Variants in GRIA4 observed in about 807,000 individuals in gnomAD.
The protein encoded by GRIA4 is glutamate receptor 4.
GRIA4 carries 34 observed loss-of-function variants against 104.0 expected under a neutral mutation model. The ratio of observed to expected loss-of-function variants is 0.33; its 90% confidence interval spans 0.25 to 0.44. The LOEUF (loss-of-function observed/expected upper bound fraction) is 0.44. Among genes scored for constraint, GRIA4 ranks in the 20% least tolerant of loss-of-function variants. GRIA4 has a pLI of 1.00. For synonymous variants in GRIA4, 386 were observed against 381.9 expected (o/e 1.01, Z -0.13); for missense variants, 750 against 1,096.5 (o/e 0.68, Z 4.46).
At chr11:105,662,242 G>T (rs996428664) in intron 3 of GRIA4, among the ~76,000 whole-genome samples, 2 of 151,790 alleles carry the variant, frequency 1.3e-5, no homozygotes, top group Non-Finnish European at 1.5e-5. Flanking sequence ...TCATTTTACA[G>T]GTGAGAAAAC....
intron 5 of GRIA4, among the ~76,000 whole-genome samples, chr11:105,869,486 G>C (rs1218499409): frequency 6.6e-6 from 1 of 152,016 alleles, no homozygotes; most frequent in Non-Finnish European, 1.5e-5. Flanking sequence ...TTAGGGAGAG[G>C]TAAGTTATAT....
At chr11:105,912,477 CAAAA>C in intron 10 of GRIA4, 1 of 760,304 alleles carries the variant, frequency 1.3e-6, no homozygotes, top group Non-Finnish European at 1.6e-6. Context: ...AGCATGCTAT[CAAAA>C]AAAAAAAGAC....
At chr11:105,891,743 T>C (rs1946462306) in intron 6 of GRIA4, among the ~76,000 whole-genome samples, 1 of 152,192 alleles carries the variant, frequency 6.6e-6, no homozygotes, top group Admixed American at 6.5e-5. Context: ...TTATTCTTGT[T>C]TTTTCATTTA....
At chr11:105,758,106 T>C (rs921439967) in intron 4 of GRIA4, among the ~76,000 whole-genome samples, 1 of 152,048 alleles carries the variant, frequency 6.6e-6, no homozygotes, top group Admixed American at 6.6e-5. Context: ...TAGCTGAGCA[T>C]GGTGGTGTGC....
chr11:105,763,515 T>C (rs1940771355), intron 4 of GRIA4, among the ~76,000 whole-genome samples: 1 of 152,166 alleles, frequency 6.6e-6, no homozygotes, highest in South Asian at 2.1e-4. Context: ...TATTGTTTTT[T>C]TCCTTCATAT....
chr11:105,869,296 T>G (rs557692621), intron 5 of GRIA4, among the ~76,000 whole-genome samples: 1 of 152,278 alleles, frequency 6.6e-6, no homozygotes, highest in South Asian at 2.1e-4. Flanking sequence ...ATGTTTTAGT[T>G]GATGCTGCAA....
Position 105,903,961 on chromosome 11 carries a change from A to G in GRIA4, c.1033A>G (p.Met345Val). ...TGCTCCATGGGGCCAGGGAATTGAC[A>G]TGGAGAGGACACTCAAACAGGTAAC... ...PAAPWGQGID[M>V]ERTLKQVRIQ... The change falls in exon 8 of 17, where the codon ATG becomes GTG. Residue 345 changes from methionine (M) to valine (V), a missense_variant. Physicochemically the swap from Met to Val is conservative, Grantham distance 21. Transcript: ENST00000282499. 1 of 1,610,994 alleles carries G rather than the reference A, an allele frequency of 6.2e-7. No individual in the cohort carries two copies. Among genetic ancestry groups the G allele is most frequent in the Non-Finnish European group, 8.5e-7 (1 of 1,178,154 alleles).
intron 3 of GRIA4, among the ~76,000 whole-genome samples, chr11:105,653,406 A>G (rs1051287189): frequency 2.0e-5 from 3 of 152,170 alleles, no homozygotes; most frequent in Admixed American, 6.5e-5. Context: ...TGAGTAACCA[A>G]TAGGCGGGCA....
At chr11:105,719,039 CT>C (rs1954203484) in intron 3 of GRIA4, among the ~76,000 whole-genome samples, 1 of 152,058 alleles carries the variant, frequency 6.6e-6, no homozygotes, top group African/African-American at 2.4e-5. Context: ...ATCTCTCTCT[CT>C]TGTTTTTTTT....
intron 5 of GRIA4, among the ~76,000 whole-genome samples, chr11:105,886,360 G>C (rs999357963): frequency 1.3e-5 from 2 of 152,032 alleles, no homozygotes; most frequent in African/African-American, 2.4e-5. Context: ...CACACTTTTA[G>C]TTATTTTAAA....
chr11:105,874,446 C>T (rs1216319435), intron 5 of GRIA4, among the ~76,000 whole-genome samples: 2 of 151,796 alleles, frequency 1.3e-5, no homozygotes, highest in Non-Finnish European at 2.9e-5. Flanking sequence ...TTTTTCTAAC[C>T]CGGTGAAGAA....
At chr11:105,728,344 C>T (rs1938356741) in intron 3 of GRIA4, among the ~76,000 whole-genome samples, 1 of 152,158 alleles carries the variant, frequency 6.6e-6, no homozygotes, top group African/African-American at 2.4e-5. Context: ...TATATATGCA[C>T]CCAATACAGA....
At chr11:105,691,935 CAA>C (rs202074069) in intron 3 of GRIA4, among the ~76,000 whole-genome samples, 275 of 76,308 alleles carry the variant, frequency 3.6e-3, no homozygotes, top group African/African-American at 0.013. Context: ...AACTCCGTCT[CAA>C]AAAAAAAAAA....
At chr11:105,940,493 G>A (rs1330849888) in intron 14 of GRIA4, among the ~76,000 whole-genome samples, 1 of 152,106 alleles carries the variant, frequency 6.6e-6, no homozygotes, top group Admixed American at 6.5e-5. Flanking sequence ...ACAGAGCTTT[G>A]GAGGGAGTTA....
chr11:105,797,600 T>C (rs559390281), intron 4 of GRIA4: 1 of 249,582 alleles, frequency 4.0e-6, no homozygotes, highest in South Asian at 3.8e-5. Flanking sequence ...AAGACTGCAG[T>C]GTCCTTCCCA....
intron 4 of GRIA4, among the ~76,000 whole-genome samples, chr11:105,770,813 T>C (rs1941173668): frequency 6.6e-6 from 1 of 152,058 alleles, no homozygotes; most frequent in South Asian, 2.1e-4. Context: ...CTATCTTTAC[T>C]AAGACCATTT....
intron 4 of GRIA4, among the ~76,000 whole-genome samples, chr11:105,764,130 G>GTTTTGT (rs1281304634): frequency 6.6e-6 from 1 of 151,830 alleles, no homozygotes; most frequent in Non-Finnish European, 1.5e-5. Flanking sequence ...GTTTTGTTTT[G>GTTTTGT]TTTTGTTTTT....
At chr11:105,667,020 A>G (rs190593188) in intron 3 of GRIA4, among the ~76,000 whole-genome samples, 84 of 152,104 alleles carry the variant, frequency 5.5e-4, no homozygotes, top group Non-Finnish European at 1.1e-3. Flanking sequence ...GGTTCCTACA[A>G]TGGATTTCCT....
At chr11:105,841,485 T>C (rs1290855809) in intron 4 of GRIA4, among the ~76,000 whole-genome samples, 1 of 152,088 alleles carries the variant, frequency 6.6e-6, no homozygotes, top group Non-Finnish European at 1.5e-5. Context: ...CCTCCCAGAA[T>C]TGGCAGGGGA....
Sources: gnomAD v4.1 joint callset for allele counts (sites outside exome capture counted in the v4.1 genomes callset) on GRCh38, gnomAD v4.1.1 for gene constraint, MANE v1.5 for transcripts, NCBI Gene and HGNC (gene_info 2026-07-23, HGNC 2026-07-21) for gene names.